The following TMEM132D variants were observed in gnomAD, a reference collection of about 807,000 sequenced individuals.
The protein encoded by TMEM132D is mature OL transmembrane protein.
Under a neutral mutation model 62.3 loss-of-function variants are expected in TMEM132D, and 21 were observed. The observed-to-expected ratio is 0.34, with a 90% CI of 0.24 to 0.49. The LOEUF is 0.49. TMEM132D is among the 20% of genes least tolerant of loss of function. The pLI is 0.99. For missense variants in TMEM132D, 1,346 were observed against 1,402.8 expected (o/e 0.96, Z 0.65); for synonymous variants, 621 against 575.6 (o/e 1.08, Z -1.13).
At chr12:129,123,233 G>A (rs1876116458) in intron 5 of TMEM132D, among the ~76,000 whole-genome samples, 1 of 152,048 alleles carries the variant, frequency 6.6e-6, no homozygotes, top group Non-Finnish European at 1.5e-5. Context: ...TTACATAGGT[G>A]GTTCAAGCTG....
In TMEM132D at chr12:129,699,896, A is replaced by G. The variant is rs1049250230; in HGVS notation, c.882T>C (p.Tyr294=). Residue 294 remains tyrosine (Y), a synonymous_variant, in exon 2 of 9, where the codon TAT becomes TAC. Transcript: ENST00000422113. The part of the protein sequence containing the change: ...LRLDNSVAIH[Y]IPKTVRKGDV... Reference sequence around the variant, plus strand: ...CTCCTTTCCTCACGGTCTTTGGTATATAGTGGATGGCCACGCTGTTGTCCA... The same window carrying G: ...CTCCTTTCCTCACGGTCTTTGGTATGTAGTGGATGGCCACGCTGTTGTCCA... 3.1e-6 allele frequency: 5 copies of G among 1,614,072 alleles called. No individual in the cohort carries two copies. The African/African-American group carries it at 4.0e-5, about 13-fold the overall frequency.
chr12:129,254,903 C>A (rs985165070), intron 4 of TMEM132D, among the ~76,000 whole-genome samples: 2 of 152,092 alleles, frequency 1.3e-5, no homozygotes, highest in Non-Finnish European at 2.9e-5. Flanking sequence ...ATCTGTGTCC[C>A]CAACCAAATC....
intron 4 of TMEM132D, 84 bp downstream of exon 4, chr12:129,337,550 C>T: frequency 1.3e-6 from 2 of 1,538,184 alleles, no homozygotes; most frequent in African/African-American, 1.4e-5. Flanking sequence ...CCCTTTTCCC[C>T]ACCCAGCCTG....
chr12:129,075,077 T>TAA lies in TMEM132D; in HGVS notation c.2116-20_2116-19dup. 6.3e-7 allele frequency: 1 copy of TAA among 1,586,110 alleles called. No individual in the cohort carries two copies. The highest frequency in any genetic ancestry group is 8.5e-7 in the Non-Finnish European group (1 of 1,170,554). ...GCTGCTTCCTATGGAGAAAAATATG[T>TAA]AAGTTAATCAAATGGGCCAAAAAGC... On this transcript the variant is annotated intron_variant, in intron 8 of 8. Coordinates refer to ENST00000422113, the MANE Select transcript of TMEM132D (RefSeq NM_133448.3).
chr12:129,431,752 A>C (rs1872661020), intron 3 of TMEM132D, among the ~76,000 whole-genome samples: 1 of 152,132 alleles, frequency 6.6e-6, no homozygotes, highest in African/African-American at 2.4e-5. Flanking sequence ...TAAAAACTTA[A>C]ACCTGCACAT....
intron 2 of TMEM132D, among the ~76,000 whole-genome samples, chr12:129,697,815 T>C (rs1004595099): frequency 2.6e-5 from 4 of 152,166 alleles, no homozygotes; most frequent in Non-Finnish European, 5.9e-5. Flanking sequence ...AAAGCCACCC[T>C]TGGACCCTAA....
chr12:129,872,592 C>A (rs1874283906), intron 1 of TMEM132D, among the ~76,000 whole-genome samples: 1 of 152,228 alleles, frequency 6.6e-6, no homozygotes, highest in Non-Finnish European at 1.5e-5. Flanking sequence ...ACGAAGGATG[C>A]TGTTTAGAAG....
intron 5 of TMEM132D, among the ~76,000 whole-genome samples, chr12:129,124,553 A>G (rs1876157187): frequency 6.6e-6 from 1 of 152,178 alleles, no homozygotes; most frequent in Non-Finnish European, 1.5e-5. Flanking sequence ...AGAACTTCAC[A>G]TAGAAGAAAC....
intron 1 of TMEM132D, among the ~76,000 whole-genome samples, chr12:129,868,079 GCAGCATTTCTATGGTACACTTGAGA>G (rs1874115911): frequency 6.6e-6 from 1 of 150,762 alleles, no homozygotes; most frequent in Non-Finnish European, 1.5e-5. Flanking sequence ...CACACATGAG[GCAGCATTTCTATGGTACACTTGAGA>G]CAGCATTTGT....
chr12:129,188,356 G>C (rs1211870052), intron 5 of TMEM132D, among the ~76,000 whole-genome samples: 1 of 152,196 alleles, frequency 6.6e-6, no homozygotes, highest in Non-Finnish European at 1.5e-5. Flanking sequence ...AGGACTTCCT[G>C]GATTGGCCAA....
intron 1 of TMEM132D, among the ~76,000 whole-genome samples, chr12:129,740,646 C>A (rs945100506): frequency 3.9e-5 from 6 of 152,100 alleles, no homozygotes; most frequent in Non-Finnish European, 5.9e-5. Flanking sequence ...TTCAAGGATG[C>A]CACATACCCA....
chr12:129,784,328 CAT>C (rs1442293894), intron 1 of TMEM132D, among the ~76,000 whole-genome samples: 2 of 152,236 alleles, frequency 1.3e-5, no homozygotes, highest in African/African-American at 2.4e-5. Flanking sequence ...AAAAGCAAAA[CAT>C]GTGTCCCACC....
chr12:129,704,673 C>A (rs1177540662), intron 1 of TMEM132D, among the ~76,000 whole-genome samples: 2 of 152,014 alleles, frequency 1.3e-5, no homozygotes, highest in African/African-American at 2.4e-5. Context: ...ACCGTCCCCC[C>A]AGGGATGCCG....
chr12:129,826,970 T>G (rs1279721974), intron 1 of TMEM132D, among the ~76,000 whole-genome samples: 1 of 152,240 alleles, frequency 6.6e-6, no homozygotes, highest in Non-Finnish European at 1.5e-5. Context: ...AAATAAGTCT[T>G]GTCTTGAACT....
At chr12:129,585,884 A>T (rs186247023) in intron 2 of TMEM132D, among the ~76,000 whole-genome samples, 4 of 152,012 alleles carry the variant, frequency 2.6e-5, no homozygotes. Flanking sequence ...TTTTAAAAAT[A>T]ATTTTGCAAG....
chr12:129,613,479 C>T (rs1292351515), intron 2 of TMEM132D, among the ~76,000 whole-genome samples: 1 of 152,206 alleles, frequency 6.6e-6, no homozygotes, highest in African/African-American at 2.4e-5. Flanking sequence ...AGAAGGCACA[C>T]CCATTCTGTC....
intron 2 of TMEM132D, among the ~76,000 whole-genome samples, chr12:129,663,859 G>A (rs988364170): frequency 2.6e-5 from 4 of 152,130 alleles, no homozygotes; most frequent in Non-Finnish European, 5.9e-5. Flanking sequence ...CCTTCTCCAT[G>A]TAATCATGTG....
At chr12:129,147,933 T>G (rs1246404270) in intron 5 of TMEM132D, among the ~76,000 whole-genome samples, 3 of 152,172 alleles carry the variant, frequency 2.0e-5, no homozygotes, top group Non-Finnish European at 4.4e-5. Flanking sequence ...GGCTTCAAAA[T>G]CAGGACATTC....
Position 129,779,590 on chromosome 12 carries a change from T to C in TMEM132D, c.80-78892A>G, listed in dbSNP as rs567274671. Among the ~76,000 whole-genome samples the C allele has an allele frequency of 2.0e-5, 3 of 152,266 alleles. No individual in the cohort carries two copies. The South Asian group carries it at 6.2e-4, about 32-fold the overall frequency. ...GAGCCACCACACCCGGCCCAGGTTT[T>C]TGTTATTGTTTTGGGTTTTTTTGTT... On this transcript the variant is annotated intron_variant, in intron 1 of 8. Transcript: ENST00000422113. This position sits in a 1 kb window ranked among gnomAD's most constrained non-coding sequence, Gnocchi z 4.1.
Sources: allele counts gnomAD v4.1 joint callset (sites outside exome capture counted in the v4.1 genomes callset), GRCh38; gene constraint gnomAD v4.1.1; non-coding constraint Gnocchi (gnomAD v3.1); transcripts MANE v1.5; gene names NCBI Gene and HGNC (gene_info 2026-07-23, HGNC 2026-07-21).